The following NT5C3A variants were observed in gnomAD, a reference collection of about 807,000 sequenced individuals.
NT5C3A encodes the protein cytosolic 5'-nucleotidase 3A.
NT5C3A carries 23 observed loss-of-function variants against 40.0 expected under a neutral mutation model. That is an observed-to-expected ratio of 0.58 (90% confidence interval 0.41 to 0.81). The LOEUF (loss-of-function observed/expected upper bound fraction) is 0.81, where lower values mean the gene tolerates loss of function less well. NT5C3A is among the 40% of genes least tolerant of loss of function. NT5C3A has a pLI of 0.00. For synonymous variants in NT5C3A, 130 were observed against 141.4 expected, an observed-to-expected ratio of 0.92 and a Z score of 0.57; for missense variants, 328 against 403.0, an observed-to-expected ratio of 0.81 and a Z score of 1.59.
rs1306132187 is a variant in NT5C3A at position 33,015,522 on chromosome 7, C to T, written c.894+148G>A. 3 of 618,302 alleles carry T rather than the reference C, an allele frequency of 4.9e-6. No individual in the cohort carries two copies. In the East Asian group the frequency reaches 8.3e-5, roughly 17 times the overall value. 38.3% of individuals were successfully genotyped at this position (618,302 alleles called of 1,614,324 possible). On this transcript the variant is annotated intron_variant, in intron 8 of 8. Transcript: ENST00000610140. Reference sequence around the variant, plus strand: ...AGGCTGCAGTGAGATGTGATTGCATCACTACACTCTAGCCTCGGTAACAGA... The same window carrying T: ...AGGCTGCAGTGAGATGTGATTGCATTACTACACTCTAGCCTCGGTAACAGA...
intron 1 of NT5C3A, among the ~76,000 whole-genome samples, chr7:33,040,518 C>G (rs1408243622): frequency 6.6e-6 from 1 of 152,162 alleles, no homozygotes; most frequent in Non-Finnish European, 1.5e-5. Context: ...GTCAGTAAAA[C>G]TGAGTCACAT....
intron 1 of NT5C3A, among the ~76,000 whole-genome samples, chr7:33,037,910 C>A (rs774138762): frequency 6.6e-6 from 1 of 152,092 alleles, no homozygotes; most frequent in African/African-American, 2.4e-5. Context: ...GATTAGTAGT[C>A]TTTAGCTTAG....
chr7:33,058,272 A>G lies in NT5C3A; in HGVS notation c.138+4296T>C, dbSNP rs1012185426. On this transcript the variant is annotated intron_variant, in intron 1 of 8. Transcript: ENST00000610140. ...TTAATCTAAGGCTGTAAATAATAAG[A>G]TGTAATATAATGAGAATATGGAGAG... Among the ~76,000 whole-genome samples, 6 of 152,298 alleles carry G rather than the reference A, an allele frequency of 3.9e-5. No individual in the cohort carries two copies. The East Asian group carries it at 5.8e-4, about 15-fold the overall frequency.
intron 1 of NT5C3A, chr7:33,041,037 G>GT: frequency 1.0e-6 from 1 of 985,398 alleles, no homozygotes; most frequent in South Asian, 4.7e-5. Flanking sequence ...TATGCTCTTG[G>GT]TTACAGCCTC....
chr7:33,059,082 C>T (rs1285012966), intron 1 of NT5C3A, among the ~76,000 whole-genome samples: 1 of 152,170 alleles, frequency 6.6e-6, no homozygotes, highest in African/African-American at 2.4e-5. Context: ...CTGAACTTGG[C>T]ATTGCCAAGT....
chr7:33,014,725 C>T lies in NT5C3A; in HGVS notation c.*5G>A. 6.2e-7 allele frequency: 1 copy of T among 1,611,338 alleles called. No homozygotes were observed. Among genetic ancestry groups the T allele is most frequent in the Non-Finnish European group, 8.5e-7 (1 of 1,179,316 alleles). On this transcript the variant is annotated 3_prime_UTR_variant, in exon 9 of 9. Coordinates refer to ENST00000610140, the MANE Select transcript of NT5C3A (RefSeq NM_001002010.5). ...AGGAGAGAGGTCTTCTTGGAGAATG[C>T]TTGTTTATAGAATCTTCTGTAAAAT...
chr7:33,046,970 C>CT (rs35818020), intron 1 of NT5C3A, among the ~76,000 whole-genome samples: 95,328 of 136,972 alleles, frequency 0.7, 33,111 homozygotes, highest in African/African-American at 0.78. Flanking sequence ...CACCTGGCTT[C>CT]TTTTTTTTTT....
chr7:33,041,914 C>T (rs1465874124), intron 1 of NT5C3A, among the ~76,000 whole-genome samples: 2 of 152,060 alleles, frequency 1.3e-5, no homozygotes, highest in African/African-American at 4.8e-5. Context: ...TTTTTATTAT[C>T]GGCTTTCTCT....
chr7:33,062,545 G>C (rs759410073), intron 1 of NT5C3A, 23 bp downstream of exon 1: 4 of 1,603,468 alleles, frequency 2.5e-6, no homozygotes, highest in Non-Finnish European at 3.4e-6. Flanking sequence ...CGTGCTCTGG[G>C]CGCGCCGAGC....
At chr7:33,024,144 T>C (rs751331091) in intron 2 of NT5C3A, 36 bp from the exon 3 acceptor site, 1 of 1,245,012 alleles carries the variant, frequency 8.0e-7, no homozygotes, top group South Asian at 1.2e-5. Flanking sequence ...ATTGTAAACA[T>C]AGCCCACATG....
At chr7:33,060,861 G>A (rs1013565231) in intron 1 of NT5C3A, among the ~76,000 whole-genome samples, 2 of 152,138 alleles carry the variant, frequency 1.3e-5, no homozygotes, top group Middle Eastern at 3.2e-3. Flanking sequence ...AATTAAAAAA[G>A]TTAACATGAA....
intron 1 of NT5C3A, among the ~76,000 whole-genome samples, chr7:33,033,103 C>T (rs1057308275): frequency 2.6e-5 from 4 of 152,176 alleles, no homozygotes; most frequent in African/African-American, 9.7e-5. Context: ...CTGGAAATAG[C>T]CCACATAAAA....
In NT5C3A at chr7:33,018,139, C is replaced by T. The variant is rs147987631; in HGVS notation, c.531-538G>A. ...TCCCATAGTGGGCCTATCAACTTGG[C>T]CTAACTTAATGGATATATATTGACC... On this transcript the variant is annotated intron_variant, in intron 6 of 8. Coordinates refer to ENST00000610140, the MANE Select transcript of NT5C3A (RefSeq NM_001002010.5). 5.9e-3 allele frequency among the ~76,000 whole-genome samples: 899 copies of T among 152,254 alleles called. 9 individuals carry two copies. Among genetic ancestry groups the T allele is most frequent in the African/African-American group, 0.021 (857 of 41,540 alleles).
chr7:33,054,388 G>C (rs1362733861), intron 1 of NT5C3A, among the ~76,000 whole-genome samples: 2 of 151,188 alleles, frequency 1.3e-5, no homozygotes, highest in African/African-American at 4.9e-5. Flanking sequence ...GTATTTCTCT[G>C]TTTTTCAAAC....
At chr7:33,037,215 A>G (rs963655331) in intron 1 of NT5C3A, among the ~76,000 whole-genome samples, 3 of 152,230 alleles carry the variant, frequency 2.0e-5, no homozygotes, top group Non-Finnish European at 2.9e-5. Context: ...TATCAACTGA[A>G]TGAACCTTTT....
chr7:33,018,327 G>T (rs1483912619), intron 6 of NT5C3A, among the ~76,000 whole-genome samples: 3 of 152,168 alleles, frequency 2.0e-5, no homozygotes, highest in Non-Finnish European at 4.4e-5. Context: ...TCTTTACTAA[G>T]ATCTTAAGCC....
intron 1 of NT5C3A, among the ~76,000 whole-genome samples, chr7:33,049,708 G>A (rs376950123): frequency 7.2e-5 from 11 of 151,800 alleles, no homozygotes; most frequent in African/African-American, 2.4e-4. Flanking sequence ...AGTGGCTCAC[G>A]GCTGTAATCC....
At chr7:33,033,264 C>T (rs528045709) in intron 1 of NT5C3A, among the ~76,000 whole-genome samples, 1 of 152,328 alleles carries the variant, frequency 6.6e-6, no homozygotes, top group East Asian at 1.9e-4. Flanking sequence ...TCCAGCTACA[C>T]AGAAAGTATA....
At chr7:33,025,795 T>G (rs1466492287) in intron 2 of NT5C3A, among the ~76,000 whole-genome samples, 9 of 152,226 alleles carry the variant, frequency 5.9e-5, no homozygotes, top group African/African-American at 2.2e-4. Context: ...ATTTTCTGGA[T>G]TTTATATTCC....
Sources: allele counts gnomAD v4.1 joint callset (sites outside exome capture counted in the v4.1 genomes callset), GRCh38; gene constraint gnomAD v4.1.1; transcripts MANE v1.5; gene names NCBI Gene and HGNC (gene_info 2026-07-23, HGNC 2026-07-21).